Variants in SIPA1L3 observed in about 807,000 individuals in gnomAD.
The protein encoded by SIPA1L3 is signal-induced proliferation-associated 1-like protein 3.
SIPA1L3 carries 59 observed loss-of-function variants against 150.1 expected under a neutral mutation model. That is an observed-to-expected ratio of 0.39 (90% CI 0.32 to 0.49). The LOEUF is 0.49. Ranked by LOEUF, SIPA1L3 falls within the 20% of genes least tolerant of loss-of-function variation. The pLI is 0.86. For missense variants in SIPA1L3, 2,211 were observed against 2,489.5 expected (o/e 0.89, Z 2.38); for synonymous variants, 1,070 against 1,077.6 (o/e 0.99, Z 0.14).
chr19:38,020,074 CAG>C (rs1968336868), intron 1 of SIPA1L3, among the ~76,000 whole-genome samples: 1 of 150,042 alleles, frequency 6.7e-6, no homozygotes, highest in Non-Finnish European at 1.5e-5. Context: ...CCCTGGGCAA[CAG>C]AGTGAGACCC....
At chr19:37,982,813 T>C (rs572199062) in intron 1 of SIPA1L3, among the ~76,000 whole-genome samples, 5 of 152,172 alleles carry the variant, frequency 3.3e-5, no homozygotes, top group South Asian at 2.1e-4. Flanking sequence ...CAACCTGGGC[T>C]TTCCCGGTGT....
chr19:38,004,508 C>G (rs373183276), intron 1 of SIPA1L3, among the ~76,000 whole-genome samples: 6 of 152,322 alleles, frequency 3.9e-5, no homozygotes, highest in African/African-American at 1.4e-4. Flanking sequence ...TTATTGTTCC[C>G]TCTGATGTCA....
chr19:38,038,387 C>T (rs967752783), intron 2 of SIPA1L3, among the ~76,000 whole-genome samples: 1 of 151,950 alleles, frequency 6.6e-6, no homozygotes, highest in African/African-American at 2.4e-5. Context: ...GTCAGGAGTT[C>T]GAGACCAGCC....
chr19:37,949,813 T>C (rs2046745621), intron 1 of SIPA1L3, among the ~76,000 whole-genome samples: 1 of 152,142 alleles, frequency 6.6e-6, no homozygotes, highest in Non-Finnish European at 1.5e-5. Flanking sequence ...GTGCAGTGGC[T>C]CACGCCTTTA....
intron 12 of SIPA1L3, among the ~76,000 whole-genome samples, chr19:38,151,526 G>C (rs570365381): frequency 1.3e-5 from 2 of 152,200 alleles, no homozygotes; most frequent in South Asian, 4.1e-4. Context: ...ACCTCCCTTC[G>C]TGTCTCATCA....
Position 38,193,639 on chromosome 19 carries a change from C to A in SIPA1L3, c.4699C>A (p.Leu1567Met), listed in dbSNP as rs767811271. Residue 1567 changes from leucine (L) to methionine (M), a missense_variant, in exon 18 of 22, where the codon CTG (leucine) becomes ATG (methionine). Physicochemically the swap from Leu to Met is conservative, Grantham distance 15 (BLOSUM62 2). This residue lies in a region of SIPA1L3 where 806 missense variants were observed against 870.1 expected (regional missense o/e 0.93). Coordinates refer to ENST00000222345, the MANE Select transcript of SIPA1L3 (RefSeq NM_015073.3). Reference sequence around the variant, plus strand: ...CAGCCCCGCTGGCCTAGAGCCAGGGCTGCCCAGCGACGTGCTCTTCACCAG... The same window carrying A: ...CAGCCCCGCTGGCCTAGAGCCAGGGATGCCCAGCGACGTGCTCTTCACCAG... ...FASPAGLEPG[L>M]PSDVLFTSTC... The A allele has an allele frequency of 7.0e-6, 11 of 1,579,066 alleles. No homozygotes were observed. Among genetic ancestry groups the A allele is most frequent in the Admixed American group, 1.7e-5 (1 of 57,618 alleles).
At chr19:38,079,929 G>A (rs763547317) in intron 2 of SIPA1L3, among the ~76,000 whole-genome samples, 11 of 152,210 alleles carry the variant, frequency 7.2e-5, no homozygotes, top group Non-Finnish European at 1.6e-4. Context: ...GATATCAGAT[G>A]TCCTGGATAA....
intron 2 of SIPA1L3, among the ~76,000 whole-genome samples, chr19:38,068,766 A>G (rs1223314370): frequency 6.6e-6 from 1 of 152,140 alleles, no homozygotes; most frequent in Non-Finnish European, 1.5e-5. Flanking sequence ...CTGAGGTGGG[A>G]AGATTGCTTG....
intron 1 of SIPA1L3, among the ~76,000 whole-genome samples, chr19:37,977,963 C>T (rs1967113502): frequency 6.6e-6 from 1 of 152,214 alleles, no homozygotes; most frequent in South Asian, 2.1e-4. Context: ...GAACACACAA[C>T]AAAAGCATCC....
At chr19:38,110,772 T>G (rs904916409) in intron 8 of SIPA1L3, among the ~76,000 whole-genome samples, 18 of 152,200 alleles carry the variant, frequency 1.2e-4, no homozygotes, top group African/African-American at 3.6e-4. Flanking sequence ...TCCTACCAGC[T>G]GCAAATCCCC....
At chr19:38,079,032 A>G (rs1371917278) in intron 2 of SIPA1L3, among the ~76,000 whole-genome samples, 1 of 152,178 alleles carries the variant, frequency 6.6e-6, no homozygotes, top group African/African-American at 2.4e-5. Context: ...TCATATGTAT[A>G]ATACTAAACG....
At chr19:38,091,078 C>T (rs373915646) in intron 4 of SIPA1L3, among the ~76,000 whole-genome samples, 80 of 152,290 alleles carry the variant, frequency 5.3e-4, no homozygotes, top group African/African-American at 1.6e-3. Context: ...GGTGAAATGA[C>T]GCCTACAGTC....
chr19:38,140,034 G>C (rs527306202), intron 10 of SIPA1L3, among the ~76,000 whole-genome samples: 4 of 152,292 alleles, frequency 2.6e-5, no homozygotes, highest in African/African-American at 9.6e-5. Flanking sequence ...GACTTTTGGG[G>C]GAACACACAT....
intron 2 of SIPA1L3, among the ~76,000 whole-genome samples, chr19:38,077,820 G>A (rs989691417): frequency 4.6e-5 from 7 of 151,536 alleles, no homozygotes; most frequent in Non-Finnish European, 7.4e-5. Flanking sequence ...ACAGGTGTGC[G>A]CCACCGCACC....
At chr19:38,056,650 T>C (rs1204277585) in intron 2 of SIPA1L3, among the ~76,000 whole-genome samples, 2 of 152,224 alleles carry the variant, frequency 1.3e-5, no homozygotes, top group South Asian at 2.1e-4. Context: ...TTGTTACTTA[T>C]CACATAGTAA....
chr19:37,952,972 C>T (rs2075527304), intron 1 of SIPA1L3, among the ~76,000 whole-genome samples: 3 of 152,198 alleles, frequency 2.0e-5, no homozygotes, highest in Non-Finnish European at 2.9e-5. Context: ...TGGCTCACGC[C>T]TGTAATCCCA....
chr19:37,923,349 TA>T (rs1217617205), intron 1 of SIPA1L3, among the ~76,000 whole-genome samples: 1 of 152,234 alleles, frequency 6.6e-6, no homozygotes, highest in Non-Finnish European at 1.5e-5. Context: ...CCTCCACACC[TA>T]GGCGCTATGG....
intron 9 of SIPA1L3, among the ~76,000 whole-genome samples, chr19:38,126,915 G>A (rs769740578): frequency 3.3e-5 from 5 of 151,660 alleles, no homozygotes; most frequent in East Asian, 3.9e-4. Context: ...AGTCTTGGCC[G>A]GCTGCAGTGG....
At chr19:38,009,025 T>G (rs188786523) in intron 1 of SIPA1L3, among the ~76,000 whole-genome samples, 2 of 151,368 alleles carry the variant, frequency 1.3e-5, no homozygotes, top group African/African-American at 2.4e-5. Context: ...TCTGGCCTGG[T>G]TTTTTTTTGT....
Sources: allele counts gnomAD v4.1 joint callset (sites outside exome capture counted in the v4.1 genomes callset), GRCh38; gene constraint gnomAD v4.1.1; regional missense constraint gnomAD v4.1.1; transcripts MANE v1.5; gene names NCBI Gene and HGNC (gene_info 2026-07-23, HGNC 2026-07-21).